The following PIEZO2 variants were observed in gnomAD, a reference collection of about 807,000 sequenced individuals.
The protein encoded by PIEZO2 is piezo type mechanosensitive ion channel component 2, also known as piezo-type mechanosensitive ion channel component 2.
PIEZO2 carries 172 observed loss-of-function variants against 337.3 expected under a neutral mutation model. That is an observed-to-expected ratio of 0.51 (90% CI 0.45 to 0.58). The LOEUF is 0.58. Ranked by LOEUF, PIEZO2 falls within the 20% of genes least tolerant of loss-of-function variation. The pLI, the probability that PIEZO2 is intolerant of heterozygous loss-of-function variation, is 0.00. For missense variants in PIEZO2, 3,028 were observed against 3,391.3 expected (o/e 0.89, Z 2.66); for synonymous variants, 1,251 against 1,228.5 (o/e 1.02, Z -0.38).
At position 10,676,308 on chromosome 18, in the gene PIEZO2, C is replaced by T. The variant is rs2033998744; in HGVS notation, c.8082-1020G>A. Among the ~76,000 whole-genome samples the T allele has an allele frequency of 6.6e-6, 1 of 152,170 alleles. No individual in the cohort carries two copies. The highest frequency in any genetic ancestry group is 2.1e-4 in the South Asian group (1 of 4,828). ...CTGCACCCTGGTGATCCATATATTCCATGCATTACAATGGGGCCAGGGCAG... is the reference window on the plus strand; with the variant it reads ...CTGCACCCTGGTGATCCATATATTCTATGCATTACAATGGGGCCAGGGCAG... On this transcript the variant is annotated intron_variant, in intron 53 of 55. Transcript: ENST00000674853. The surrounding 1 kb of genome is among the most constrained non-coding windows in gnomAD (Gnocchi z 5.1).
rs1346860803 is a variant in PIEZO2 at position 10,862,777 on chromosome 18, A to G, written c.493-5566T>C. On this transcript the variant is annotated intron_variant, in intron 5 of 55. Coordinates refer to ENST00000674853, the MANE Select transcript of PIEZO2 (RefSeq NM_001378183.1). This position sits in a 1 kb window ranked among gnomAD's most constrained non-coding sequence, Gnocchi z 4.4. ...TGGGGTGACCTGAAGCAGCCCCTCC[A>G]GAATTCAGGCCCTGGCCGACATTGG... Among the ~76,000 whole-genome samples the G allele has an allele frequency of 6.6e-6, 1 of 152,266 alleles. No individual in the cohort carries two copies. The highest frequency in any genetic ancestry group is 6.5e-5 in the Admixed American group (1 of 15,288).
rs151182732 is a variant in PIEZO2, at chr18:10,690,985, A to T, written c.7349+240T>A. Among the ~76,000 whole-genome samples the T allele has an allele frequency of 5.4e-4, 83 of 152,356 alleles. 2 individuals carry two copies. In the East Asian group the frequency reaches 0.016, roughly 29 times the overall value. On this transcript the variant is annotated intron_variant, in intron 48 of 55. Coordinates refer to ENST00000674853, the MANE Select transcript of PIEZO2 (RefSeq NM_001378183.1). ...ATTCTCAAATATTATCACAGTAATT[A>T]TGCAGGATACTAACCCACGTGGATG... is the stretch of plus-strand genomic sequence containing the variant.
chr18:10,788,408 CAAA>C (rs745769805), intron 15 of PIEZO2, among the ~76,000 whole-genome samples: 3 of 66,528 alleles, frequency 4.5e-5, no homozygotes, highest in Admixed American at 2.0e-4. Context: ...GACCCTGTCT[CAAA>C]AAAAAAAAAA....
At chr18:10,996,845 G>A (rs1263328154) in intron 2 of PIEZO2, among the ~76,000 whole-genome samples, 1 of 152,108 alleles carries the variant, frequency 6.6e-6, no homozygotes, top group African/African-American at 2.4e-5. Context: ...AGTTGCAAAA[G>A]TGAACTGCTT....
chr18:10,958,820 A>C (rs534587170), intron 3 of PIEZO2, among the ~76,000 whole-genome samples: 1 of 152,336 alleles, frequency 6.6e-6, no homozygotes, highest in South Asian at 2.1e-4. Flanking sequence ...GACACAGTCT[A>C]AGGTATAAAT....
At chr18:10,885,620 A>T (rs1432177575) in intron 4 of PIEZO2, among the ~76,000 whole-genome samples, 2 of 152,122 alleles carry the variant, frequency 1.3e-5, no homozygotes, top group Non-Finnish European at 2.9e-5. Flanking sequence ...GGGAGGTTTG[A>T]AAGGTACCAC....
chr18:10,779,220 T>C (rs901589992), intron 18 of PIEZO2, among the ~76,000 whole-genome samples: 1 of 152,214 alleles, frequency 6.6e-6, no homozygotes. Flanking sequence ...TTTGGTTGTC[T>C]GCCTTAGGAT....
chr18:10,752,987 G>T, intron 27 of PIEZO2, 108 bp from the exon 28 acceptor site: 1 of 1,318,510 alleles, frequency 7.6e-7, no homozygotes, highest in Non-Finnish European at 1.0e-6. Flanking sequence ...GCTGCACCTT[G>T]CAAATCAGAC....
chr18:10,853,290 CCAGT>C lies in PIEZO2; in HGVS notation c.917+2059_917+2062del, dbSNP rs977143471. On this transcript the variant is annotated intron_variant, in intron 7 of 55. Coordinates refer to ENST00000674853, the MANE Select transcript of PIEZO2 (RefSeq NM_001378183.1). This position sits in a 1 kb window ranked among gnomAD's most constrained non-coding sequence, Gnocchi z 4.2. ...CGGAATCAAGCCAATGTATAAAACC[CCAGT>C]CAAAGGTCAAACCGTGCACTTGATC... 1.9e-4 allele frequency among the ~76,000 whole-genome samples: 29 copies of C among 152,176 alleles called. No homozygotes were observed. Among genetic ancestry groups the C allele is most frequent in the Admixed American group, 1.3e-4 (2 of 15,282 alleles).
intron 5 of PIEZO2, among the ~76,000 whole-genome samples, chr18:10,866,017 G>T (rs917289228): frequency 3.9e-5 from 6 of 152,178 alleles, no homozygotes; most frequent in South Asian, 2.1e-4. Context: ...GATCTAAAAA[G>T]ATAGTTAAAG....
In PIEZO2 at chr18:10,899,365, ATAATG is replaced by A. The variant is rs2042985139; in HGVS notation, c.329+11816_329+11820del. On this transcript the variant is annotated intron_variant, in intron 4 of 55. Transcript: ENST00000674853. The surrounding 1 kb of genome is among the most constrained non-coding windows in gnomAD (Gnocchi z 4.6). ...AGAAACTGTTTTCACTTTATCTAGG[ATAATG>A]TATTTCCAAAGATTTGGATGGAAAA... Among the ~76,000 whole-genome samples the A allele has an allele frequency of 6.6e-6, 1 of 152,208 alleles. No individual in the cohort carries two copies. The highest frequency in any genetic ancestry group is 1.5e-5 in the Non-Finnish European group (1 of 68,036).
intron 2 of PIEZO2, among the ~76,000 whole-genome samples, chr18:11,063,253 G>A (rs1270701753): frequency 6.9e-6 from 1 of 145,870 alleles, no homozygotes; most frequent in Non-Finnish European, 1.5e-5. Context: ...GACATAGGAA[G>A]GGGAACATCA....
chr18:11,093,647 C>A (rs868353816), intron 1 of PIEZO2, among the ~76,000 whole-genome samples: 1 of 134,802 alleles, frequency 7.4e-6, no homozygotes, highest in South Asian at 2.5e-4. Context: ...AGTGCAGTGG[C>A]GCAATCTCGG....
chr18:10,792,908 T>G (rs1312215948), intron 13 of PIEZO2, among the ~76,000 whole-genome samples: 1 of 152,230 alleles, frequency 6.6e-6, no homozygotes, highest in Non-Finnish European at 1.5e-5. Context: ...GTGTGACCAT[T>G]TCAACTTCTC....
intron 5 of PIEZO2, among the ~76,000 whole-genome samples, chr18:10,864,073 G>A (rs1034652901): frequency 6.6e-6 from 1 of 152,188 alleles, no homozygotes; most frequent in African/African-American, 2.4e-5. Flanking sequence ...TTCCTTCTTG[G>A]TGCTCAACAG....
chr18:10,855,314 G>A lies in PIEZO2; in HGVS notation c.917+39C>T, dbSNP rs545918708. Reference sequence around the variant, plus strand: ...AACCAAGGTCCCAAAGGCGTGGGGGGACAACCTCTCCTGGAAATGCCATAA... The same window carrying A: ...AACCAAGGTCCCAAAGGCGTGGGGGAACAACCTCTCCTGGAAATGCCATAA... On this transcript the variant is annotated intron_variant, in intron 7 of 55. Coordinates refer to ENST00000674853, the MANE Select transcript of PIEZO2 (RefSeq NM_001378183.1). This position sits in a 1 kb window ranked among gnomAD's most constrained non-coding sequence, Gnocchi z 4.9. 301 of 1,487,052 alleles carry A rather than the reference G, an allele frequency of 2.0e-4. 4 individuals are homozygous for A. The South Asian group carries it at 2.3e-3, about 12-fold the overall frequency. The allele number at this position is 1,487,052 out of a possible 1,614,324, so 92.1% of individuals were successfully genotyped here. A position where few individuals can be genotyped will look rare whatever the true frequency, so the allele number is the denominator to read the frequency against.
intron 36 of PIEZO2, among the ~76,000 whole-genome samples, chr18:10,720,217 A>T (rs1295254054): frequency 8.1e-6 from 1 of 123,246 alleles, no homozygotes; most frequent in African/African-American, 3.3e-5. Flanking sequence ...TGTATATATG[A>T]ATATATGTGT....
intron 18 of PIEZO2, among the ~76,000 whole-genome samples, chr18:10,774,313 T>A (rs542039944): frequency 3.3e-5 from 5 of 152,178 alleles, no homozygotes; most frequent in African/African-American, 1.2e-4. Flanking sequence ...AATTATATCA[T>A]GCTTTTTTAG....
Position 10,954,894 on chromosome 18 carries a change from A to T in PIEZO2, c.286+24641T>A, listed in dbSNP as rs561867397. ...TCCCCAGAAAAGTATAAACTTCAGG[A>T]GATTGAATATATTTTCTGGGTTCAT... On this transcript the variant is annotated intron_variant, in intron 3 of 55. Transcript: ENST00000674853. This position sits in a 1 kb window ranked among gnomAD's most constrained non-coding sequence, Gnocchi z 4.2. 6.6e-5 allele frequency among the ~76,000 whole-genome samples: 10 copies of T among 152,350 alleles called. No homozygotes were observed. In the South Asian group the frequency reaches 2.1e-3, roughly 32 times the overall value.
Sources: gnomAD v4.1 joint callset for allele counts (sites outside exome capture counted in the v4.1 genomes callset) on GRCh38, gnomAD v4.1.1 for gene constraint, Gnocchi (gnomAD v3.1) non-coding constraint, MANE v1.5 for transcripts, NCBI Gene and HGNC (gene_info 2026-07-23, HGNC 2026-07-21) for gene names.